The following CPS1 variants were observed in gnomAD, a reference collection of about 807,000 sequenced individuals.
The protein encoded by CPS1 is carbamoyl-phosphate synthase [ammonia], mitochondrial.
Under a neutral mutation model 174.6 loss-of-function variants are expected in CPS1, and 109 were observed. The ratio of observed to expected loss-of-function variants is 0.62; its 90% CI spans 0.53 to 0.73. The LOEUF (loss-of-function observed/expected upper bound fraction) is 0.73. CPS1 is among the 30% of genes least tolerant of loss of function. The probability of loss-of-function intolerance (pLI) is 0.00; values close to 1 mark genes in which losing one functional copy is unlikely to be tolerated. For synonymous variants in CPS1, 637 were observed against 632.0 expected, an observed-to-expected ratio of 1.01 and a Z score of -0.12; for missense variants, 1,689 against 1,821.9, an observed-to-expected ratio of 0.93 and a Z score of 1.33.
At chr2:210,601,990 A>T (rs1199758913) in intron 15 of CPS1, among the ~76,000 whole-genome samples, 2 of 149,274 alleles carry the variant, frequency 1.3e-5, no homozygotes, top group Non-Finnish European at 3.0e-5. Context: ...TTCTTAGAAG[A>T]TATATATATA....
chr2:210,641,981 T>A (rs1462354963), intron 24 of CPS1, among the ~76,000 whole-genome samples: 1 of 152,168 alleles, frequency 6.6e-6, no homozygotes, highest in Non-Finnish European at 1.5e-5. Flanking sequence ...TTGGAAAAGA[T>A]AGGACTCTTC....
At chr2:210,508,931 A>C (rs1695368794) in intron 1 of CPS1, among the ~76,000 whole-genome samples, 1 of 152,334 alleles carries the variant, frequency 6.6e-6, no homozygotes, top group African/African-American at 2.4e-5. Context: ...ACAGATTCAC[A>C]GCTGAATTCT....
rs148950271 is a variant in CPS1, at chr2:210,600,712, G to A, written c.1707G>A (p.Ser569=). ...EKIAPSFAVE[S]IEDALKAADT... ...TTGCTCCAAGTTTTGCAGTGGAATC[G>A]GTAAGGATTCTTTGCTTTGGAAAAA... Residue 569 remains serine (S), a splice_region_variant and synonymous_variant, in exon 15 of 38, where the codon TCG becomes TCA. Coordinates refer to ENST00000233072, the MANE Select transcript of CPS1 (RefSeq NM_001875.5). 1.1e-5 allele frequency: 18 copies of A among 1,611,602 alleles called. No individual in the cohort carries two copies. Among genetic ancestry groups the A allele is most frequent in the African/African-American group, 9.4e-5 (7 of 74,726 alleles).
At chr2:210,525,467 A>G (rs1208064474) in intron 1 of CPS1, among the ~76,000 whole-genome samples, 7 of 151,894 alleles carry the variant, frequency 4.6e-5, no homozygotes, top group Admixed American at 4.6e-4. Flanking sequence ...GCACGCATTT[A>G]TTAAATTTTT....
rs771370089 is a variant in CPS1, at chr2:210,595,596, A to G, written c.1359+14A>G. ...AAAGCCATGAAGGTGAGAGAATATG[A>G]TCCTTACTAGAATTAATATGCTTCC... On this transcript the variant is annotated intron_variant, in intron 13 of 37. Coordinates refer to ENST00000233072, the MANE Select transcript of CPS1 (RefSeq NM_001875.5). 6.5e-7 allele frequency: 1 copy of G among 1,546,572 alleles called. No individual in the cohort carries two copies. Among genetic ancestry groups the G allele is most frequent in the Non-Finnish European group, 8.9e-7 (1 of 1,119,438 alleles).
At chr2:210,669,034 A>G (rs953887964) in intron 34 of CPS1, among the ~76,000 whole-genome samples, 2 of 152,160 alleles carry the variant, frequency 1.3e-5, no homozygotes, top group East Asian at 3.9e-4. Context: ...GGCCTAATAC[A>G]GTCAGTTTAT....
chr2:210,481,921 A>ATGC (rs889923939), intron 1 of CPS1, among the ~76,000 whole-genome samples: 5 of 152,218 alleles, frequency 3.3e-5, no homozygotes, highest in African/African-American at 9.6e-5. Context: ...TGAACTGACC[A>ATGC]TGCTACTGGT....
At chr2:210,633,734 A>G (rs1409853530) in intron 21 of CPS1, among the ~76,000 whole-genome samples, 2 of 152,218 alleles carry the variant, frequency 1.3e-5, no homozygotes, top group African/African-American at 4.8e-5. Flanking sequence ...GAATGCAAAC[A>G]AATAATTAAA....
At chr2:210,557,527 C>A (rs894782030) in intron 1 of CPS1, among the ~76,000 whole-genome samples, 1 of 151,974 alleles carries the variant, frequency 6.6e-6, no homozygotes, top group Non-Finnish European at 1.5e-5. Context: ...ACATTAATTG[C>A]CCTTCTTCCT....
intron 31 of CPS1, 75 bp from the exon 32 acceptor site, chr2:210,660,410 T>C: frequency 1.4e-6 from 2 of 1,412,884 alleles, no homozygotes; most frequent in Non-Finnish European, 2.0e-6. Context: ...TGGAAACCAG[T>C]GGTAGAGAGA....
chr2:210,563,097 G>A (rs1697158085), intron 1 of CPS1, among the ~76,000 whole-genome samples: 1 of 151,984 alleles, frequency 6.6e-6, no homozygotes, highest in Non-Finnish European at 1.5e-5. Context: ...TTTTAATTAG[G>A]CTTCAAACAA....
intron 19 of CPS1, among the ~76,000 whole-genome samples, chr2:210,610,560 A>G (rs1699076938): frequency 6.6e-6 from 1 of 151,974 alleles, no homozygotes; most frequent in African/African-American, 2.4e-5. Context: ...ATGAGAATAT[A>G]GTAGAATAGG....
At chr2:210,655,174 C>T (rs1482590984) in intron 29 of CPS1, among the ~76,000 whole-genome samples, 1 of 152,170 alleles carries the variant, frequency 6.6e-6, no homozygotes, top group Non-Finnish European at 1.5e-5. Flanking sequence ...AAAACTTAAT[C>T]TATTTCCTTT....
chr2:210,597,142 T>C (rs1486601728), intron 13 of CPS1, among the ~76,000 whole-genome samples: 3 of 151,910 alleles, frequency 2.0e-5, no homozygotes. Flanking sequence ...AGTTTGTTGG[T>C]ACTTTTCTTT....
chr2:210,501,619 A>G (rs1326999905), intron 1 of CPS1, among the ~76,000 whole-genome samples: 1 of 152,102 alleles, frequency 6.6e-6, no homozygotes, highest in Non-Finnish European at 1.5e-5. Context: ...GCATAGCAAT[A>G]CTCACCTTTA....
At chr2:210,634,755 C>G (rs1699989500) in intron 21 of CPS1, among the ~76,000 whole-genome samples, 1 of 152,150 alleles carries the variant, frequency 6.6e-6, no homozygotes, top group African/African-American at 2.4e-5. Flanking sequence ...ACAGGCAGGA[C>G]AGGTCTGATA....
At chr2:210,589,081 C>T (rs928417920) in intron 7 of CPS1, among the ~76,000 whole-genome samples, 5 of 152,002 alleles carry the variant, frequency 3.3e-5, no homozygotes, top group Admixed American at 2.0e-4. Flanking sequence ...CAGAAAAAGC[C>T]AGTGTTTAAC....
In CPS1 at chr2:210,675,833, A is replaced by T. The variant is rs767377977; in HGVS notation, c.4267A>T (p.Ile1423Phe). The T allele has an allele frequency of 1.4e-6, 2 of 1,455,586 alleles. No individual in the cohort carries two copies. Among genetic ancestry groups the T allele is most frequent in the South Asian group, 2.3e-5 (2 of 87,830 alleles). 90.2% of individuals were successfully genotyped at this position (1,455,586 alleles called of 1,614,324 possible). ...AGGACAGAATCCCAGCCTCTCTTCC[A>T]TCAGAAAGTAAGAACTAGGCATACT... ...QEGQNPSLSS[I>F]RKLIRDGSID... Residue 1423 changes from isoleucine to phenylalanine, a missense_variant, in exon 36 of 38, where the codon ATC (isoleucine) becomes TTC (phenylalanine). Ile to Phe is a conservative substitution (Grantham distance 21). Coordinates refer to ENST00000233072, the MANE Select transcript of CPS1 (RefSeq NM_001875.5).
intron 21 of CPS1, among the ~76,000 whole-genome samples, 195 bp downstream of exon 21, chr2:210,616,736 T>C (rs1353058435): frequency 3.3e-5 from 5 of 151,590 alleles, no homozygotes; most frequent in African/African-American, 7.3e-5. Context: ...TAGAAATGTA[T>C]CCATTAATCT....
Sources: allele counts gnomAD v4.1 joint callset (sites outside exome capture counted in the v4.1 genomes callset), GRCh38; gene constraint gnomAD v4.1.1; transcripts MANE v1.5; gene names NCBI Gene and HGNC (gene_info 2026-07-23, HGNC 2026-07-21).